The following MCFD2 variants were observed in gnomAD, a reference collection of about 807,000 sequenced individuals.
MCFD2 encodes multiple coagulation factor deficiency protein 2.
In MCFD2, 11 loss-of-function variants were observed where a neutral mutation model predicts 12.8. The observed-to-expected ratio is 0.86, with a 90% CI of 0.54 to 1.42. MCFD2 has a LOEUF of 1.42. MCFD2 is among the 40% of genes most tolerant of loss of function. The probability of loss-of-function intolerance (pLI) is 0.00; values close to 1 mark genes in which losing one functional copy is unlikely to be tolerated. For missense variants in MCFD2, 191 were observed against 178.6 expected, an observed-to-expected ratio of 1.07 and a Z score of -0.40; for synonymous variants, 70 against 68.1, an observed-to-expected ratio of 1.03 and a Z score of -0.14.
Position 46,905,407 on chromosome 2 carries a change from C to A in MCFD2, c.*56G>T. 6.3e-7 allele frequency: 1 copy of A among 1,599,124 alleles called. No individual in the cohort carries two copies. The highest frequency in any genetic ancestry group is 1.1e-5 in the South Asian group (1 of 90,476). On this transcript the variant is annotated 3_prime_UTR_variant, in exon 4 of 4. Transcript: ENST00000319466. Reference sequence around the variant, plus strand: ...AGTTATTTTGCATTACTAAAGTGTTCAATCACATTATCACGGGTCACATTT... The same window carrying A: ...AGTTATTTTGCATTACTAAAGTGTTAAATCACATTATCACGGGTCACATTT...
intron 1 of MCFD2, among the ~76,000 whole-genome samples, chr2:46,923,671 C>T (rs556228380): frequency 3.5e-4 from 54 of 152,210 alleles, no homozygotes; most frequent in Middle Eastern, 3.4e-3. Flanking sequence ...ACAGGAGAAT[C>T]GCTCAAGTCC....
chr2:46,936,721 C>T (rs368913822), intron 1 of MCFD2, among the ~76,000 whole-genome samples: 1 of 152,138 alleles, frequency 6.6e-6, no homozygotes. Context: ...TTTAGAATTG[C>T]GGTAGCCACT....
At chr2:46,912,102 G>A (rs531672228) in intron 1 of MCFD2, among the ~76,000 whole-genome samples, 5 of 152,324 alleles carry the variant, frequency 3.3e-5, no homozygotes, top group East Asian at 1.9e-4. Context: ...TCGGGAGGCC[G>A]AGGCAAGTGG....
At chr2:46,918,600 G>A (rs1668940888), upstream of MCFD2, among the ~76,000 whole-genome samples, 1 of 152,206 alleles carries the variant, frequency 6.6e-6, no homozygotes, top group Admixed American at 6.5e-5. Context: ...TATGGAATTG[G>A]CTAACTGGAG....
upstream of MCFD2, among the ~76,000 whole-genome samples, chr2:46,920,622 T>C (rs1388591256): frequency 6.6e-6 from 1 of 151,200 alleles, no homozygotes; most frequent in Non-Finnish European, 1.5e-5. Context: ...TGAACCACCA[T>C]GCCTGGCCTT....
At chr2:46,934,787 C>CTTTTCTTT (rs1669883537) in intron 1 of MCFD2, among the ~76,000 whole-genome samples, 2 of 66,916 alleles carry the variant, frequency 3.0e-5, no homozygotes, top group Admixed American at 3.9e-4. Context: ...GACTACTGCT[C>CTTTTCTTT]TTTTTTTTTT....
At chr2:46,919,049 G>T (rs1026374207), upstream of MCFD2, among the ~76,000 whole-genome samples, 3 of 152,142 alleles carry the variant, frequency 2.0e-5, no homozygotes, top group African/African-American at 7.2e-5. Flanking sequence ...CCTCTAGGTG[G>T]CATCTCTTTC....
At chr2:46,920,048 G>A (rs1466490714), upstream of MCFD2, among the ~76,000 whole-genome samples, 1 of 152,196 alleles carries the variant, frequency 6.6e-6, no homozygotes, top group Non-Finnish European at 1.5e-5. Flanking sequence ...CTGGGGTGGT[G>A]AATATGATGG....
At chr2:46,916,098 T>C (rs963939970), upstream of MCFD2, 21 of 985,406 alleles carry the variant, frequency 2.1e-5, no homozygotes, top group Non-Finnish European at 2.4e-5. Flanking sequence ...ACGGGCGACG[T>C]AGGATGGCGG....
At position 46,904,813 on chromosome 2, in the gene MCFD2, A is replaced by G. The variant is rs1157557626; in HGVS notation, c.*650T>C. 2 of 157,804 alleles carry G rather than the reference A, an allele frequency of 1.3e-5. No individual in the cohort carries two copies. The highest frequency in any genetic ancestry group is 4.8e-5 in the African/African-American group (2 of 41,478). 9.8% of individuals were successfully genotyped at this position (157,804 alleles called of 1,614,324 possible). A position where few individuals can be genotyped will look rare whatever the true frequency, so the allele number is the denominator to read the frequency against. ...TTAAGACTTTGGGGGACTGTTAGGA[A>G]GGCATGATTGGTTTTGAATAGTGAG... On this transcript the variant is annotated 3_prime_UTR_variant, in exon 4 of 4. Coordinates refer to ENST00000319466, the MANE Select transcript of MCFD2 (RefSeq NM_139279.6).
chr2:46,916,189 G>A, upstream of MCFD2: 2 of 981,432 alleles, frequency 2.0e-6, 1 homozygote, highest in South Asian at 9.4e-5. Flanking sequence ...CAGGTCTCTT[G>A]GTTCGTCCTG....
At chr2:46,911,168 G>A (rs549992563) in intron 1 of MCFD2, among the ~76,000 whole-genome samples, 21 of 151,658 alleles carry the variant, frequency 1.4e-4, no homozygotes, top group African/African-American at 5.1e-4. Context: ...TTGTTCTTTC[G>A]CCAGGCTGGA....
At chr2:46,915,806 G>GGGGGGGGGGGGGGGGGGGCC, upstream of MCFD2, 3 of 512,582 alleles carry the variant, frequency 5.9e-6, no homozygotes, top group Non-Finnish European at 6.4e-6. Flanking sequence ...CCTCGGCTTC[G>GGGGGGGGGGGGGGGGGGGCC]CCCCGCCCCC....
In MCFD2 at chr2:46,907,502, A is replaced by T. The variant is rs1446215453; in HGVS notation, c.309+308T>A. On this transcript the variant is annotated intron_variant, in intron 3 of 3. Transcript: ENST00000319466. This position sits in a 1 kb window ranked among gnomAD's most constrained non-coding sequence, Gnocchi z 4.1. Reference sequence around the variant, plus strand: ...TGGACTCAAGCAATCCTCCCACCTTAGCCTCCTGAGTACGTAGAACTACGG... The same window carrying T: ...TGGACTCAAGCAATCCTCCCACCTTTGCCTCCTGAGTACGTAGAACTACGG... 3 of 387,558 alleles carry T rather than the reference A, an allele frequency of 7.7e-6. No homozygotes were observed. Among genetic ancestry groups the T allele is most frequent in the Non-Finnish European group, 1.5e-5 (3 of 202,704 alleles). The allele number at this position is 387,558 out of a possible 1,614,324, so 24.0% of individuals were successfully genotyped here.
chr2:46,931,494 G>T (rs1322807255), intron 1 of MCFD2, among the ~76,000 whole-genome samples: 1 of 152,040 alleles, frequency 6.6e-6, no homozygotes, highest in African/African-American at 2.4e-5. Flanking sequence ...ATAATCACAA[G>T]AGTCTTTCTA....
intron 1 of MCFD2, among the ~76,000 whole-genome samples, chr2:46,936,438 G>C (rs974387929): frequency 6.6e-6 from 1 of 152,122 alleles, no homozygotes; most frequent in Non-Finnish European, 1.5e-5. Flanking sequence ...GTTTGGTTCA[G>C]GACAATCTCT....
At chr2:46,906,475 ATTTT>A (rs70940646) in intron 3 of MCFD2, among the ~76,000 whole-genome samples, 13 of 91,700 alleles carry the variant, frequency 1.4e-4, no homozygotes, top group African/African-American at 5.5e-4. Context: ...AGGCACGAGG[ATTTT>A]TTTTTTTTTT....
At chr2:46,920,122 A>C (rs1669022855), upstream of MCFD2, among the ~76,000 whole-genome samples, 1 of 152,172 alleles carries the variant, frequency 6.6e-6, no homozygotes, top group African/African-American at 2.4e-5. Context: ...CATCACTCCT[A>C]ATGAAAAGTC....
In MCFD2 at chr2:46,905,320, C is replaced by T. The variant is rs1668172843; in HGVS notation, c.*143G>A. ...CTCTTTCATTTCTCTTATCTCTTCT[C>T]ACCCCAGTGTAACGAATCGCTACAG... is the stretch of plus-strand genomic sequence containing the variant. On this transcript the variant is annotated 3_prime_UTR_variant, in exon 4 of 4. Coordinates refer to ENST00000319466, the MANE Select transcript of MCFD2 (RefSeq NM_139279.6). 2.4e-6 allele frequency: 2 copies of T among 842,370 alleles called. No homozygotes were observed. Among genetic ancestry groups the T allele is most frequent in the Non-Finnish European group, 2.0e-6 (1 of 494,362 alleles). The allele number at this position is 842,370 out of a possible 1,614,324, so 52.2% of individuals were successfully genotyped here. A position where few individuals can be genotyped will look rare whatever the true frequency, so the allele number is the denominator to read the frequency against.
Sources: gnomAD v4.1 joint callset for allele counts (sites outside exome capture counted in the v4.1 genomes callset) on GRCh38, gnomAD v4.1.1 for gene constraint, Gnocchi (gnomAD v3.1) non-coding constraint, MANE v1.5 for transcripts, NCBI Gene and HGNC (gene_info 2026-07-23, HGNC 2026-07-21) for gene names.